Variants in ENOX1 observed in about 807,000 individuals in gnomAD.
The protein encoded by ENOX1 is ecto-NOX disulfide-thiol exchanger 1, also known as candidate growth-related and time keeping constitutive hydroquinone (NADH) oxidase.
In ENOX1, 42 loss-of-function variants were observed where a neutral mutation model predicts 82.5. The ratio of observed to expected loss-of-function variants is 0.51; its 90% confidence interval spans 0.40 to 0.66. ENOX1 has a LOEUF of 0.66. ENOX1 is among the 30% of genes least tolerant of loss of function. The probability of loss-of-function intolerance (pLI) is 0.00; values close to 1 mark genes in which losing one functional copy is unlikely to be tolerated. For missense variants in ENOX1, 608 were observed against 811.6 expected (o/e 0.75, Z 3.05); for synonymous variants, 271 against 282.2 (o/e 0.96, Z 0.40).
intron 5 of ENOX1, among the ~76,000 whole-genome samples, chr13:43,403,423 T>C (rs1019185259): frequency 1.3e-5 from 2 of 152,232 alleles, no homozygotes; most frequent in Admixed American, 6.5e-5. Flanking sequence ...ATATAGGCTT[T>C]TGTCATTTGT....
chr13:43,513,851 AC>A (rs1261689239), intron 2 of ENOX1, among the ~76,000 whole-genome samples: 1 of 152,174 alleles, frequency 6.6e-6, no homozygotes, highest in African/African-American at 2.4e-5. Context: ...AGTTTAAAAA[AC>A]AATATAGGTT....
At chr13:43,763,537 G>A (rs1003459263) in intron 1 of ENOX1, among the ~76,000 whole-genome samples, 7 of 152,090 alleles carry the variant, frequency 4.6e-5, no homozygotes, top group African/African-American at 7.2e-5. Flanking sequence ...GTGGAGCTAC[G>A]AGGACTCTAT....
chr13:43,422,660 C>T (rs540651023), intron 3 of ENOX1, among the ~76,000 whole-genome samples: 1 of 152,150 alleles, frequency 6.6e-6, no homozygotes, highest in African/African-American at 2.4e-5. Context: ...ACCTGAAGGC[C>T]CCCCTCTAAA....
In ENOX1 at chr13:43,470,764, G is replaced by A. The variant is rs1036828750; in HGVS notation, c.-75+13245C>T. Among the ~76,000 whole-genome samples the A allele has an allele frequency of 5.9e-5, 9 of 152,092 alleles. No homozygotes were observed. The East Asian group carries it at 1.5e-3, about 26-fold the overall frequency. On this transcript the variant is annotated intron_variant, in intron 3 of 16. Coordinates refer to ENST00000690772, the MANE Select transcript of ENOX1 (RefSeq NM_001347969.2). ...TTATATAAATGACCGGTGAGCATAT[G>A]AAAATGATTTCGACATATTAGTCAT...
chr13:43,640,679 T>C (rs1382800488), intron 2 of ENOX1, among the ~76,000 whole-genome samples: 1 of 152,174 alleles, frequency 6.6e-6, no homozygotes, highest in African/African-American at 2.4e-5. Flanking sequence ...TCCACCCACC[T>C]ACACAAAGAG....
intron 5 of ENOX1, among the ~76,000 whole-genome samples, chr13:43,385,520 G>C (rs1013268084): frequency 2.0e-5 from 3 of 152,106 alleles, no homozygotes; most frequent in Non-Finnish European, 4.4e-5. Flanking sequence ...ATAAAAACAA[G>C]ATATTTTTCA....
At chr13:43,445,314 G>T (rs541585416) in intron 3 of ENOX1, among the ~76,000 whole-genome samples, 1 of 151,930 alleles carries the variant, frequency 6.6e-6, no homozygotes, top group Non-Finnish European at 1.5e-5. Context: ...TAGTAGAGAT[G>T]GGGTTTCACC....
intron 1 of ENOX1, among the ~76,000 whole-genome samples, chr13:43,683,155 A>G (rs299354): frequency 1 from 151,566 of 152,258 alleles, 75,442 homozygotes; most frequent in East Asian, 1. Flanking sequence ...CCTAAGACTG[A>G]CTGTTGTGTA....
At chr13:43,337,283 T>C (rs2153538869) in intron 9 of ENOX1, among the ~76,000 whole-genome samples, 1 of 152,332 alleles carries the variant, frequency 6.6e-6, no homozygotes, top group Non-Finnish European at 1.5e-5. Flanking sequence ...GGTCCAGAAG[T>C]GGCACAGTGA....
intron 3 of ENOX1, among the ~76,000 whole-genome samples, chr13:43,473,952 T>C (rs533538381): frequency 6.6e-6 from 1 of 152,272 alleles, no homozygotes; most frequent in Admixed American, 6.5e-5. Context: ...AAATCATCAT[T>C]CTGGGCTACA....
intron 2 of ENOX1, among the ~76,000 whole-genome samples, chr13:43,616,479 G>A (rs1342769842): frequency 1.3e-5 from 2 of 151,252 alleles, no homozygotes; most frequent in Non-Finnish European, 2.9e-5. Flanking sequence ...TGGGGTTACA[G>A]ACACGAGCCA....
At chr13:43,414,323 G>A (rs2054314808) in intron 3 of ENOX1, among the ~76,000 whole-genome samples, 1 of 152,066 alleles carries the variant, frequency 6.6e-6, no homozygotes, top group Non-Finnish European at 1.5e-5. Context: ...TTTTCCAATT[G>A]TCTGTCAGGA....
intron 15 of ENOX1, among the ~76,000 whole-genome samples, chr13:43,226,624 C>G (rs1418166964): frequency 6.6e-6 from 1 of 152,184 alleles, no homozygotes; most frequent in East Asian, 1.9e-4. Context: ...CTGACCATCC[C>G]AGGTACTATG....
At chr13:43,258,595 C>T (rs954488532) in intron 14 of ENOX1, among the ~76,000 whole-genome samples, 6 of 152,102 alleles carry the variant, frequency 3.9e-5, no homozygotes, top group Admixed American at 6.5e-5. Flanking sequence ...TATTAGTCCA[C>T]GAAAAATCCA....
intron 14 of ENOX1, among the ~76,000 whole-genome samples, chr13:43,240,591 G>C (rs913132862): frequency 1.3e-5 from 2 of 152,156 alleles, no homozygotes; most frequent in Admixed American, 1.3e-4. Flanking sequence ...CTGGTGACCT[G>C]GTGGCTGATG....
intron 1 of ENOX1, among the ~76,000 whole-genome samples, chr13:43,719,343 A>ACC (rs1555368284): frequency 6.7e-6 from 1 of 148,918 alleles, no homozygotes; most frequent in African/African-American, 2.5e-5. Flanking sequence ...ACACACACAC[A>ACC]CACACCAGCA....
At chr13:43,238,381 T>C (rs1375573025) in intron 14 of ENOX1, among the ~76,000 whole-genome samples, 1 of 152,256 alleles carries the variant, frequency 6.6e-6, no homozygotes, top group Non-Finnish European at 1.5e-5. Flanking sequence ...TAGAAATTCC[T>C]GCTATGATAA....
chr13:43,434,844 G>T (rs966070037), intron 3 of ENOX1, among the ~76,000 whole-genome samples: 12 of 150,988 alleles, frequency 7.9e-5, no homozygotes, highest in Non-Finnish European at 1.8e-4. Flanking sequence ...AAATTATTAA[G>T]CTTGTATCCA....
chr13:43,659,079 C>T (rs1374940914), intron 2 of ENOX1, among the ~76,000 whole-genome samples: 5 of 152,118 alleles, frequency 3.3e-5, no homozygotes, highest in South Asian at 2.1e-4. Context: ...CTTTTTACTA[C>T]ACTTTCTTGA....
Sources: allele counts gnomAD v4.1 joint callset (sites outside exome capture counted in the v4.1 genomes callset), GRCh38; gene constraint gnomAD v4.1.1; transcripts MANE v1.5; gene names NCBI Gene and HGNC (gene_info 2026-07-23, HGNC 2026-07-21).